PIK3C3: variants seen among roughly 807,000 people sequenced by gnomAD.
PIK3C3 encodes phosphatidylinositol 3-kinase catalytic subunit type 3.
Under a neutral mutation model 126.1 loss-of-function variants are expected in PIK3C3, and 95 were observed. The ratio of observed to expected loss-of-function variants is 0.75; its 90% CI spans 0.64 to 0.89. The LOEUF (loss-of-function observed/expected upper bound fraction) is 0.89. Among genes scored for constraint, PIK3C3 ranks in the 40% least tolerant of loss-of-function variants. The pLI, the probability that PIK3C3 is intolerant of heterozygous loss-of-function variation, is 0.00. For missense variants in PIK3C3, 829 were observed against 1,063.2 expected (o/e 0.78, Z 3.06); for synonymous variants, 374 against 360.0 (o/e 1.04, Z -0.44).
intron 22 of PIK3C3, among the ~76,000 whole-genome samples, chr18:42,063,322 T>C (rs1985400190): frequency 6.6e-6 from 1 of 152,224 alleles, no homozygotes; most frequent in African/African-American, 2.4e-5. Flanking sequence ...CCACTGTCTG[T>C]CTGTATCCCT....
chr18:42,025,102 A>G (rs7237783), intron 13 of PIK3C3, among the ~76,000 whole-genome samples: 24,367 of 151,890 alleles, frequency 0.16, 2,072 homozygotes, highest in East Asian at 0.29. Context: ...ATGAGCCACC[A>G]CGCCCGGCCA....
intron 2 of PIK3C3, 47 bp from the exon 3 acceptor site, chr18:41,962,442 G>GATAT: frequency 1.4e-6 from 2 of 1,399,422 alleles, no homozygotes; most frequent in Non-Finnish European, 9.5e-7. Context: ...TTAAAAGAAA[G>GATAT]ATATATATAT....
chr18:42,032,204 G>A (rs1303046766), intron 15 of PIK3C3, among the ~76,000 whole-genome samples: 3 of 152,200 alleles, frequency 2.0e-5, no homozygotes, highest in Non-Finnish European at 2.9e-5. Flanking sequence ...CAGCCCCGGA[G>A]GTGGGAGCAT....
At chr18:41,977,178 A>G (rs1568118362) in intron 4 of PIK3C3, among the ~76,000 whole-genome samples, 2 of 152,190 alleles carry the variant, frequency 1.3e-5, no homozygotes, top group Non-Finnish European at 2.9e-5. Context: ...TATCTATGCT[A>G]TGAAAGAATT....
chr18:42,053,742 G>A (rs1373299356), intron 21 of PIK3C3, among the ~76,000 whole-genome samples: 2 of 151,948 alleles, frequency 1.3e-5, no homozygotes, highest in African/African-American at 2.4e-5. Context: ...TTTTATTTTT[G>A]GGAGTTTGAG....
rs199881236 is a variant in PIK3C3, at chr18:42,004,573, G to A, written c.1170+32G>A. On this transcript the variant is annotated intron_variant, in intron 10 of 24. Coordinates refer to ENST00000262039, the MANE Select transcript of PIK3C3 (RefSeq NM_002647.4). ...TATTATTTATTATTCTGCTTCAATG[G>A]GTCATTTTAAACTAGAGCCTAATTA... 139 of 1,526,954 alleles carry A rather than the reference G, an allele frequency of 9.1e-5. 1 individual carries two copies. The African/African-American group carries it at 1.6e-3, about 18-fold the overall frequency. The allele number at this position is 1,526,954 out of a possible 1,614,324, so 94.6% of individuals were successfully genotyped here. A position where few individuals can be genotyped will look rare whatever the true frequency, so the allele number is the denominator to read the frequency against.
chr18:42,079,676 G>A (rs148327933), intron 24 of PIK3C3, among the ~76,000 whole-genome samples: 3 of 152,280 alleles, frequency 2.0e-5, no homozygotes, highest in Non-Finnish European at 4.4e-5. Context: ...TGGTTCAATA[G>A]CAACATTTTT....
At chr18:41,996,592 A>T (rs1373950183) in intron 8 of PIK3C3, 46 bp from the exon 9 acceptor site, 2 of 829,806 alleles carry the variant, frequency 2.4e-6, no homozygotes, top group Non-Finnish European at 3.9e-6. Context: ...AATATATAGG[A>T]CATGTATTGT....
chr18:42,019,737 T>A (rs1303671886), intron 12 of PIK3C3, among the ~76,000 whole-genome samples: 1 of 152,168 alleles, frequency 6.6e-6, no homozygotes, highest in Non-Finnish European at 1.5e-5. Flanking sequence ...CAGATTCATC[T>A]ATTCAAACAT....
intron 8 of PIK3C3, 119 bp downstream of exon 8, chr18:41,996,113 C>G: frequency 1.5e-6 from 1 of 683,834 alleles, no homozygotes. Context: ...GTTGATGAAT[C>G]CTACATCATG....
chr18:42,073,742 T>C (rs560820725), intron 24 of PIK3C3, among the ~76,000 whole-genome samples: 11 of 151,656 alleles, frequency 7.3e-5, no homozygotes, highest in African/African-American at 2.4e-4. Flanking sequence ...TTTTAATTTG[T>C]ATTCCTGTTT....
chr18:41,998,025 A>G (rs1017132820), intron 9 of PIK3C3, among the ~76,000 whole-genome samples: 7 of 152,254 alleles, frequency 4.6e-5, no homozygotes, highest in African/African-American at 1.7e-4. Context: ...TATGGTCTTT[A>G]CTATTTTAAG....
rs569123027 is a variant in PIK3C3 at position 42,064,943 on chromosome 18, C to T, written c.2523+113C>T. 2.3e-5 allele frequency: 14 copies of T among 615,530 alleles called. No homozygotes were observed. The Admixed American group carries it at 2.3e-4, about 10-fold the overall frequency. The allele number at this position is 615,530 out of a possible 1,614,324, so 38.1% of individuals were successfully genotyped here. A position where few individuals can be genotyped will look rare whatever the true frequency, so the allele number is the denominator to read the frequency against. ...AGTTTTATCCCCTTCCTTGTTCCTGCCCACAGTCACATGAATAGGTTCTCT... is the reference window on the plus strand; with the variant it reads ...AGTTTTATCCCCTTCCTTGTTCCTGTCCACAGTCACATGAATAGGTTCTCT... On this transcript the variant is annotated intron_variant, in intron 23 of 24. Coordinates refer to ENST00000262039, the MANE Select transcript of PIK3C3 (RefSeq NM_002647.4).
intron 10 of PIK3C3, among the ~76,000 whole-genome samples, chr18:42,012,353 G>C (rs960143436): frequency 1.2e-4 from 18 of 152,106 alleles, no homozygotes; most frequent in African/African-American, 4.3e-4. Flanking sequence ...GTTACAAATA[G>C]GAAAGTGTGG....
rs71174077 is a variant in PIK3C3 at position 42,076,089 on chromosome 18, CATATAT to C, written c.2650-5007_2650-5002del. On this transcript the variant is annotated intron_variant, in intron 24 of 24. Transcript: ENST00000262039. Reference sequence around the variant, plus strand: ...CATCAGCACTGGCTGCTTTACCTTGCATATATATATATATATATATATATATATATA... The same window carrying C: ...CATCAGCACTGGCTGCTTTACCTTGCATATATATATATATATATATATATA... 1.4e-3 allele frequency among the ~76,000 whole-genome samples: 76 copies of C among 54,644 alleles called. 1 individual carries two copies. The highest frequency in any genetic ancestry group is 0.012 in the Middle Eastern group (1 of 82). 35.8% of individuals were successfully genotyped at this position (54,644 alleles called of 152,430 possible).
intron 3 of PIK3C3, among the ~76,000 whole-genome samples, chr18:41,966,177 CTTTTTTTTTT>C (rs10539758): frequency 2.7e-5 from 3 of 112,574 alleles, no homozygotes; most frequent in African/African-American, 7.4e-5. Flanking sequence ...TATATTGTTC[CTTTTTTTTTT>C]TTTTTTTTTT....
At chr18:41,969,111 G>T (rs2144309103) in intron 3 of PIK3C3, among the ~76,000 whole-genome samples, 1 of 151,440 alleles carries the variant, frequency 6.6e-6, no homozygotes, top group East Asian at 1.9e-4. Context: ...GAGCCACCAT[G>T]CCCAGTCTGT....
intron 4 of PIK3C3, among the ~76,000 whole-genome samples, chr18:41,983,171 A>G (rs975162671): frequency 6.6e-6 from 1 of 152,128 alleles, no homozygotes; most frequent in African/African-American, 2.4e-5. Flanking sequence ...ACTATATTGA[A>G]TGACTCACTT....
intron 24 of PIK3C3, among the ~76,000 whole-genome samples, chr18:42,073,516 A>G (rs1985861526): frequency 6.6e-6 from 1 of 152,214 alleles, no homozygotes. Context: ...ATAACATGGC[A>G]TCTTACTACG....
Sources: gnomAD v4.1 joint callset for allele counts (sites outside exome capture counted in the v4.1 genomes callset) on GRCh38, gnomAD v4.1.1 for gene constraint, MANE v1.5 for transcripts, NCBI Gene and HGNC (gene_info 2026-07-23, HGNC 2026-07-21) for gene names.